The following PLEKHG1 variants were observed in gnomAD, a reference collection of about 807,000 sequenced individuals.
PLEKHG1 encodes pleckstrin homology domain-containing family G member 1.
In PLEKHG1, 44 loss-of-function variants were observed where a neutral mutation model predicts 100.8. The observed-to-expected ratio is 0.44, with a 90% CI of 0.34 to 0.56. PLEKHG1 has a LOEUF of 0.56. PLEKHG1 is among the 20% of genes least tolerant of loss of function. PLEKHG1 has a pLI of 0.01. For synonymous variants in PLEKHG1, 640 were observed against 662.5 expected (o/e 0.97, Z 0.52); for missense variants, 1,545 against 1,720.9 (o/e 0.90, Z 1.81).
intron 5 of PLEKHG1, among the ~76,000 whole-genome samples, chr6:150,798,960 C>T (rs2131870): frequency 0.12 from 18,624 of 151,920 alleles, 1,545 homozygotes; most frequent in Non-Finnish European, 0.17. Context: ...AGGCTGGTCT[C>T]GAACTCCTGA....
chr6:150,823,981 C>A (rs1345189166), intron 14 of PLEKHG1, among the ~76,000 whole-genome samples: 3 of 152,220 alleles, frequency 2.0e-5, no homozygotes, highest in Admixed American at 1.3e-4. Context: ...CTGCCCGGTG[C>A]TCACGTGAGC....
At chr6:150,709,050 A>G (rs1302315715) in intron 3 of PLEKHG1, among the ~76,000 whole-genome samples, 4 of 152,228 alleles carry the variant, frequency 2.6e-5, no homozygotes, top group African/African-American at 9.6e-5. Flanking sequence ...AAGGAATTAC[A>G]GGGCTGGGCG....
chr6:150,717,354 T>G (rs1781483130), upstream of PLEKHG1, among the ~76,000 whole-genome samples: 1 of 152,124 alleles, frequency 6.6e-6, no homozygotes, highest in African/African-American at 2.4e-5. Context: ...TTTTGTCTTT[T>G]TTGTAGAGAT....
chr6:150,737,416 C>T (rs1266956255), intron 2 of PLEKHG1, among the ~76,000 whole-genome samples: 2 of 151,492 alleles, frequency 1.3e-5, no homozygotes, highest in Non-Finnish European at 2.9e-5. Flanking sequence ...CTCAGCCTCC[C>T]GAGTAGCTGG....
intron 1 of PLEKHG1, among the ~76,000 whole-genome samples, chr6:150,601,629 AC>A (rs1776361728): frequency 1.3e-5 from 2 of 152,148 alleles, no homozygotes; most frequent in Admixed American, 1.3e-4. Context: ...GACTAAAGAA[AC>A]TTTTTTCTTC....
chr6:150,752,683 C>T (rs187964114), intron 2 of PLEKHG1, among the ~76,000 whole-genome samples: 3 of 152,234 alleles, frequency 2.0e-5, no homozygotes, highest in Non-Finnish European at 2.9e-5. Context: ...ATCCCTTAAC[C>T]GAGGTAAGAT....
At chr6:150,772,570 G>A (rs1048397270) in intron 3 of PLEKHG1, among the ~76,000 whole-genome samples, 1 of 152,130 alleles carries the variant, frequency 6.6e-6, no homozygotes, top group African/African-American at 2.4e-5. Flanking sequence ...AGTGAGCTAT[G>A]ATGGCACCAC....
chr6:150,602,061 C>T (rs148375042), intron 1 of PLEKHG1, among the ~76,000 whole-genome samples: 23 of 152,272 alleles, frequency 1.5e-4, no homozygotes, highest in Non-Finnish European at 2.5e-4. Context: ...TGTTGTGTTC[C>T]CCCTTTGCGG....
At chr6:150,741,036 A>C (rs1782830087) in intron 2 of PLEKHG1, among the ~76,000 whole-genome samples, 1 of 152,182 alleles carries the variant, frequency 6.6e-6, no homozygotes, top group South Asian at 2.1e-4. Context: ...ACAAACCTAG[A>C]AGGTGGCAAC....
At chr6:150,752,169 G>A (rs1247458190) in intron 2 of PLEKHG1, among the ~76,000 whole-genome samples, 1 of 152,082 alleles carries the variant, frequency 6.6e-6, no homozygotes, top group Admixed American at 6.6e-5. Flanking sequence ...CTGGGCGACA[G>A]AGCGAGACTC....
rs1234943852 is a variant in PLEKHG1, at chr6:150,690,389, A to ACC, written c.-99+39604_-99+39605insCC. ...TTCTCGGTGCTGGGCTCAGGAACTG[A>ACC]CAGCAGTCAACCGAAACAGAAGCTG... On this transcript the variant is annotated intron_variant, in intron 3 of 3. Coordinates refer to the PLEKHG1 transcript ENST00000367326. Among the ~76,000 whole-genome samples, 621 of 152,186 alleles carry ACC rather than the reference A, an allele frequency of 4.1e-3. 3 individuals are homozygous for ACC. Among genetic ancestry groups the ACC allele is most frequent in the African/African-American group, 0.014 (602 of 41,532 alleles).
chr6:150,656,626 AACTACTTT>A (rs1297083736), intron 3 of PLEKHG1, among the ~76,000 whole-genome samples: 3 of 152,302 alleles, frequency 2.0e-5, no homozygotes, highest in Middle Eastern at 3.4e-3. Context: ...TTTAATTTTA[AACTACTTT>A]ACTAGTTTAA....
chr6:150,801,640 A>G (rs1011804611), intron 6 of PLEKHG1, among the ~76,000 whole-genome samples: 1 of 148,094 alleles, frequency 6.8e-6, no homozygotes, highest in Admixed American at 7.0e-5. Flanking sequence ...GAGTTTCACC[A>G]TGTTGCCCAG....
At chr6:150,619,104 A>T (rs1472352941) in intron 1 of PLEKHG1, among the ~76,000 whole-genome samples, 1 of 152,150 alleles carries the variant, frequency 6.6e-6, no homozygotes, top group Non-Finnish European at 1.5e-5. Flanking sequence ...AAGAAAAAAC[A>T]GTTCAGACTT....
chr6:150,752,020 C>G (rs1377851713), intron 2 of PLEKHG1, among the ~76,000 whole-genome samples: 1 of 152,010 alleles, frequency 6.6e-6, no homozygotes, highest in Non-Finnish European at 1.5e-5. Context: ...GAAACCCTGT[C>G]TCTACTAAAA....
At position 150,683,822 on chromosome 6, in the gene PLEKHG1, T is replaced by C. The variant is rs1440085122; in HGVS notation, c.-99+33036T>C. 7.8e-7 allele frequency: 1 copy of C among 1,288,626 alleles called. No individual in the cohort carries two copies. Among genetic ancestry groups the C allele is most frequent in the Non-Finnish European group, 1.0e-6 (1 of 988,538 alleles). 79.8% of individuals were successfully genotyped at this position (1,288,626 alleles called of 1,614,324 possible). A position where few individuals can be genotyped will look rare whatever the true frequency, so the allele number is the denominator to read the frequency against. ...AAACTGCTGCCTGGACAAATCGTGT[T>C]CTGGGCCAAAGCATCACAGGCGAGT... is the stretch of plus-strand genomic sequence containing the variant. On this transcript the variant is annotated intron_variant, in intron 3 of 3. Transcript: ENST00000367326. This position sits in a 1 kb window ranked among gnomAD's most constrained non-coding sequence, Gnocchi z 4.0.
chr6:150,782,318 C>G (rs1392634418), intron 3 of PLEKHG1, among the ~76,000 whole-genome samples: 1 of 151,966 alleles, frequency 6.6e-6, no homozygotes, highest in African/African-American at 2.4e-5. Flanking sequence ...CGCTTGAACC[C>G]AGGAGGCAGA....
chr6:150,823,654 A>C lies in PLEKHG1; in HGVS notation c.1448A>C (p.Glu483Ala), dbSNP rs758890512. The C allele has an allele frequency of 5.0e-6, 8 of 1,607,798 alleles. No individual in the cohort carries two copies. The South Asian group carries it at 7.7e-5, about 15-fold the overall frequency. Residue 483 changes from glutamate to alanine, a missense_variant and splice_region_variant, in exon 14 of 16, where the codon GAA becomes GCA. Glu to Ala is a moderately radical substitution (Grantham distance 107). Coordinates refer to ENST00000358517, the Ensembl canonical transcript of PLEKHG1. ...TTGAAAAAAAACTTTTATTTTTCAG[A>C]AACAGCACAAGACATCCAAAAGGTA...
At chr6:150,773,702 A>T (rs1051927675) in intron 3 of PLEKHG1, among the ~76,000 whole-genome samples, 1 of 151,978 alleles carries the variant, frequency 6.6e-6, no homozygotes, top group East Asian at 1.9e-4. Context: ...CCTGTCAAGG[A>T]ATTTTTTTTT....
Sources: allele counts gnomAD v4.1 joint callset (sites outside exome capture counted in the v4.1 genomes callset), GRCh38; gene constraint gnomAD v4.1.1; non-coding constraint Gnocchi (gnomAD v3.1); transcripts MANE v1.5; gene names NCBI Gene and HGNC (gene_info 2026-07-23, HGNC 2026-07-21).